The following ADAMTS12 variants were observed in gnomAD, a reference collection of about 807,000 sequenced individuals.
ADAMTS12 encodes the protein A disintegrin and metalloproteinase with thrombospondin motifs 12.
ADAMTS12 carries 118 observed loss-of-function variants against 167.8 expected under a neutral mutation model. That is an observed-to-expected ratio of 0.70 (90% CI 0.61 to 0.82). The LOEUF is 0.82. Ranked by LOEUF, ADAMTS12 falls within the 40% of genes least tolerant of loss-of-function variation. The pLI is 0.00. For missense variants in ADAMTS12, 1,916 were observed against 1,998.8 expected (o/e 0.96, Z 0.79); for synonymous variants, 704 against 716.9 (o/e 0.98, Z 0.29).
chr5:33,701,397 A>C (rs1742997777), intron 3 of ADAMTS12, among the ~76,000 whole-genome samples: 1 of 152,152 alleles, frequency 6.6e-6, no homozygotes, highest in Non-Finnish European at 1.5e-5. Flanking sequence ...AGTATGACCC[A>C]GTGAATTCCA....
At chr5:33,591,700 C>T (rs1049862312) in intron 17 of ADAMTS12, among the ~76,000 whole-genome samples, 1 of 152,128 alleles carries the variant, frequency 6.6e-6, no homozygotes, top group African/African-American at 2.4e-5. Flanking sequence ...CCAGTCTCAA[C>T]GATCTTATTC....
rs190234090 is a variant in ADAMTS12 at position 33,557,021 on chromosome 5, G to A, written c.4125+4006C>T. On this transcript the variant is annotated intron_variant, in intron 20 of 23. Transcript: ENST00000504830. ...AGTCATGAACCTGACATATGTATAT[G>A]AGAAAATGTTCACAGCAGTTCTATC... Among the ~76,000 whole-genome samples the A allele has an allele frequency of 2.2e-3, 336 of 152,340 alleles. 1 individual carries two copies. The highest frequency in any genetic ancestry group is 7.5e-3 in the African/African-American group (312 of 41,570).
chr5:33,728,922 ATG>A (rs1744077834), intron 3 of ADAMTS12, among the ~76,000 whole-genome samples: 1 of 152,270 alleles, frequency 6.6e-6, no homozygotes, highest in Non-Finnish European at 1.5e-5. Flanking sequence ...GCACATGCAT[ATG>A]TGTATATGTA....
chr5:33,640,324 G>A (rs899886827), intron 11 of ADAMTS12, among the ~76,000 whole-genome samples: 1 of 152,184 alleles, frequency 6.6e-6, no homozygotes, highest in African/African-American at 2.4e-5. Flanking sequence ...CCTTTCTCCT[G>A]AAGCCAGGTT....
At chr5:33,763,705 T>G (rs984829664) in intron 2 of ADAMTS12, among the ~76,000 whole-genome samples, 1 of 152,228 alleles carries the variant, frequency 6.6e-6, no homozygotes, top group Non-Finnish European at 1.5e-5. Context: ...CCGGTTCACA[T>G]GCAAACAAAT....
chr5:33,763,339 CA>C (rs1486559317), intron 2 of ADAMTS12, among the ~76,000 whole-genome samples: 2 of 152,094 alleles, frequency 1.3e-5, no homozygotes, highest in Admixed American at 6.5e-5. Context: ...GATGAAGTGA[CA>C]GGGGCAAGAG....
chr5:33,615,944 T>C lies in ADAMTS12; in HGVS notation c.2272A>G (p.Ile758Val), dbSNP rs527779901. The C allele has an allele frequency of 6.8e-6, 11 of 1,614,114 alleles. No individual in the cohort carries two copies. The highest frequency in any genetic ancestry group is 2.7e-5 in the African/African-American group (2 of 75,032). The part of the protein sequence containing the change: ...PEKYYLNGGF[I>V]IQWNGNYKLA... The stretch of plus-strand genomic sequence containing the variant: ...TTATAGTTCCCGTTCCACTGGATAA[T>C]AAACCCTCCATTCAGGTAATATTTT... Residue 758 changes from isoleucine to valine, a missense_variant, in exon 15 of 24, where the codon ATT becomes GTT. Physicochemically the swap from Ile to Val is conservative, Grantham distance 29 (BLOSUM62 3). Coordinates refer to ENST00000504830, the MANE Select transcript of ADAMTS12 (RefSeq NM_030955.4).
chr5:33,617,218 T>C (rs1326535412), intron 14 of ADAMTS12, among the ~76,000 whole-genome samples: 1 of 140,208 alleles, frequency 7.1e-6, no homozygotes, highest in Non-Finnish European at 1.5e-5. Flanking sequence ...TCTTTCAACT[T>C]TTTTTTTTTT....
intron 16 of ADAMTS12, among the ~76,000 whole-genome samples, chr5:33,606,780 C>A (rs1289066055): frequency 1.3e-5 from 2 of 152,106 alleles, no homozygotes; most frequent in African/African-American, 4.8e-5. Flanking sequence ...AACTTTGATA[C>A]CCAGCTGAAC....
At chr5:33,636,099 G>A (rs1453664728) in intron 12 of ADAMTS12, among the ~76,000 whole-genome samples, 3 of 152,154 alleles carry the variant, frequency 2.0e-5, no homozygotes, top group Non-Finnish European at 4.4e-5. Flanking sequence ...GCAAACAAAT[G>A]AAAAGCAATG....
At chr5:33,725,563 G>C (rs1743949925) in intron 3 of ADAMTS12, among the ~76,000 whole-genome samples, 3 of 152,220 alleles carry the variant, frequency 2.0e-5, no homozygotes, top group Non-Finnish European at 4.4e-5. Context: ...GAGGGGCTGA[G>C]AGAAACCATG....
intron 2 of ADAMTS12, among the ~76,000 whole-genome samples, chr5:33,780,076 T>C (rs1746069630): frequency 6.6e-6 from 1 of 152,194 alleles, no homozygotes; most frequent in Admixed American, 6.5e-5. Flanking sequence ...CAAAAACATG[T>C]TGCATACTGT....
chr5:33,751,498 C>T lies in ADAMTS12; in HGVS notation c.540G>A (p.Lys180=). 4 of 1,614,114 alleles carry T rather than the reference C, an allele frequency of 2.5e-6. No individual in the cohort carries two copies. Among genetic ancestry groups the T allele is most frequent in the Non-Finnish European group, 3.4e-6 (4 of 1,179,982 alleles). Residue 180 remains lysine (K), a synonymous_variant, in exon 3 of 24, where the codon AAG becomes AAA. Coordinates refer to ENST00000504830, the MANE Select transcript of ADAMTS12 (RefSeq NM_030955.4). ...PHGDFFIEPV[K]KHPLVEGGYH... ...ACCCTCCCTCAACCAGTGGATGCTT[C>T]TTCACGGGTTCAATGAAAAAGTCTC... is the stretch of plus-strand genomic sequence containing the variant.
chr5:33,535,156 G>A (rs949001370), intron 22 of ADAMTS12, among the ~76,000 whole-genome samples, 164 bp from the exon 23 acceptor site: 4 of 152,240 alleles, frequency 2.6e-5, no homozygotes, highest in Non-Finnish European at 5.9e-5. Flanking sequence ...ATTTGGAGAT[G>A]TGAGTTTAGA....
intron 22 of ADAMTS12, among the ~76,000 whole-genome samples, chr5:33,538,049 C>A (rs1273323550): frequency 1.3e-5 from 2 of 152,190 alleles, no homozygotes; most frequent in African/African-American, 4.8e-5. Context: ...TTTCTGAAAG[C>A]ACAACCCAGT....
chr5:33,573,155 G>A (rs1358587873), intron 19 of ADAMTS12, among the ~76,000 whole-genome samples: 188 of 151,508 alleles, frequency 1.2e-3, no homozygotes, highest in Middle Eastern at 3.4e-3. Context: ...AATCAATATC[G>A]TGAAAATGGC....
In ADAMTS12 at chr5:33,625,551, T is replaced by C. The variant is rs142102568; in HGVS notation, c.2023-1200A>G. ...GGCATATTAATTTTAAAGTATTTTCTTTAATCTCTACCAACAGGGAAATAG... is the reference window on the plus strand; with the variant it reads ...GGCATATTAATTTTAAAGTATTTTCCTTAATCTCTACCAACAGGGAAATAG... On this transcript the variant is annotated intron_variant, in intron 13 of 23. Coordinates refer to ENST00000504830, the MANE Select transcript of ADAMTS12 (RefSeq NM_030955.4). Among the ~76,000 whole-genome samples, 461 of 152,334 alleles carry C rather than the reference T, an allele frequency of 3.0e-3. 2 individuals carry two copies. The highest frequency in any genetic ancestry group is 9.0e-3 in the African/African-American group (375 of 41,572).
At chr5:33,769,839 G>A (rs1250832043) in intron 2 of ADAMTS12, among the ~76,000 whole-genome samples, 5 of 152,172 alleles carry the variant, frequency 3.3e-5, no homozygotes, top group Non-Finnish European at 5.9e-5. Context: ...AGGTTTTGCA[G>A]CTGAAAAATG....
chr5:33,606,206 C>T (rs1189515641), intron 16 of ADAMTS12, among the ~76,000 whole-genome samples: 2 of 152,218 alleles, frequency 1.3e-5, no homozygotes, highest in East Asian at 3.9e-4. Flanking sequence ...CCTCGTCCTC[C>T]CAAAGTGTTG....
Sources: allele counts gnomAD v4.1 joint callset (sites outside exome capture counted in the v4.1 genomes callset), GRCh38; gene constraint gnomAD v4.1.1; transcripts MANE v1.5; gene names NCBI Gene and HGNC (gene_info 2026-07-23, HGNC 2026-07-21).